The following WWOX variants were observed in gnomAD, a reference collection of about 807,000 sequenced individuals.
WWOX encodes the protein WW domain-containing oxidoreductase.
A neutral mutation model predicts 46.2 loss-of-function variants in WWOX; 69 were observed. The observed-to-expected ratio is 1.49, with a 90% CI of 1.23 to 1.82. The LOEUF (loss-of-function observed/expected upper bound fraction) is 1.82. WWOX is among the 40% of genes most tolerant of loss of function. WWOX has a pLI of 0.00. For missense variants in WWOX, 919 were observed against 542.6 expected, an observed-to-expected ratio of 1.69 and a Z score of -6.89; for synonymous variants, 359 against 202.6, an observed-to-expected ratio of 1.77 and a Z score of -6.56.
intron 8 of WWOX, among the ~76,000 whole-genome samples, chr16:78,893,307 C>T (rs953125436): frequency 1.3e-5 from 2 of 152,156 alleles, no homozygotes; most frequent in African/African-American, 2.4e-5. Context: ...CAGAGTCAGG[C>T]CTCGAAAAAT....
At chr16:78,494,923 C>T (rs945008950) in intron 8 of WWOX, among the ~76,000 whole-genome samples, 4 of 152,096 alleles carry the variant, frequency 2.6e-5, no homozygotes, top group Admixed American at 6.5e-5. Context: ...CTTGTTATTT[C>T]CTCTTTCGGT....
At chr16:79,207,168 GCTCT>G (rs2150848399) in intron 8 of WWOX, among the ~76,000 whole-genome samples, 1 of 152,322 alleles carries the variant, frequency 6.6e-6, no homozygotes, top group South Asian at 2.1e-4. Context: ...CACCGCAGCA[GCTCT>G]CTGATAAATG....
intron 6 of WWOX, among the ~76,000 whole-genome samples, chr16:78,424,648 G>A (rs1282823485): frequency 2.0e-5 from 3 of 152,094 alleles, no homozygotes; most frequent in East Asian, 1.9e-4. Context: ...CCTCAGCAAC[G>A]GAGGACAGTT....
At chr16:78,493,618 T>C (rs1168053467) in intron 8 of WWOX, among the ~76,000 whole-genome samples, 2 of 152,208 alleles carry the variant, frequency 1.3e-5, no homozygotes, top group Middle Eastern at 3.2e-3. Context: ...ATGAAAATAA[T>C]GAGCTAATAT....
chr16:79,174,125 A>G (rs1029698442), intron 8 of WWOX, among the ~76,000 whole-genome samples: 6 of 152,146 alleles, frequency 3.9e-5, no homozygotes, highest in Admixed American at 1.3e-4. Context: ...TGTAGAGTGA[A>G]AGGTCCTGAG....
intron 8 of WWOX, among the ~76,000 whole-genome samples, chr16:79,187,495 G>A (rs2051040712): frequency 1.3e-5 from 2 of 152,174 alleles, no homozygotes; most frequent in Admixed American, 1.3e-4. Flanking sequence ...CCATTTCCCA[G>A]GTTCAAGCGA....
rs147957694 is a variant in WWOX, at chr16:78,734,716, A to G, written c.1056+301964A>G. Among the ~76,000 whole-genome samples, 310 of 152,176 alleles carry G rather than the reference A, an allele frequency of 2.0e-3. 1 individual carries two copies. The highest frequency in any genetic ancestry group is 6.4e-3 in the African/African-American group (267 of 41,530). On this transcript the variant is annotated intron_variant, in intron 8 of 8. Coordinates refer to ENST00000566780, the MANE Select transcript of WWOX (RefSeq NM_016373.4). ...GAACATTTAAATCAGTCACCTGATTACAGCAGATTGTTCTCAAGTGCCTGA... is the reference window on the plus strand; with the variant it reads ...GAACATTTAAATCAGTCACCTGATTGCAGCAGATTGTTCTCAAGTGCCTGA...
chr16:78,464,542 A>T (rs2084027462), intron 8 of WWOX, among the ~76,000 whole-genome samples: 1 of 152,174 alleles, frequency 6.6e-6, no homozygotes, highest in Admixed American at 6.5e-5. Flanking sequence ...AATCTTCATG[A>T]CGATCCTTCA....
intron 8 of WWOX, among the ~76,000 whole-genome samples, chr16:78,975,540 T>G (rs111677065): frequency 0.011 from 1,673 of 152,088 alleles, 22 homozygotes; most frequent in Middle Eastern, 0.017. Flanking sequence ...CCATGAAATC[T>G]GAATACCACA....
chr16:78,134,289 A>G (rs1341370908), intron 4 of WWOX, among the ~76,000 whole-genome samples: 2 of 152,126 alleles, frequency 1.3e-5, no homozygotes, highest in African/African-American at 4.8e-5. Context: ...AAATTTAACC[A>G]TATTTTTAAT....
At chr16:78,539,098 C>T (rs770030525) in intron 8 of WWOX, among the ~76,000 whole-genome samples, 36 of 152,320 alleles carry the variant, frequency 2.4e-4, no homozygotes, top group Non-Finnish European at 1.5e-4. Flanking sequence ...GAACTTGCAA[C>T]CCTGATAACT....
intron 8 of WWOX, among the ~76,000 whole-genome samples, chr16:79,069,475 A>T (rs1432004774): frequency 6.6e-6 from 1 of 152,186 alleles, no homozygotes; most frequent in African/African-American, 2.4e-5. Flanking sequence ...TCATTTACGT[A>T]AACTTAGGAA....
chr16:78,629,455 C>A (rs780614524), intron 8 of WWOX, among the ~76,000 whole-genome samples: 7 of 152,210 alleles, frequency 4.6e-5, no homozygotes, highest in Non-Finnish European at 1.0e-4. Context: ...AAGCTGGAGT[C>A]ATTTCTCTAA....
At chr16:79,163,569 G>A (rs546806284) in intron 8 of WWOX, among the ~76,000 whole-genome samples, 1 of 152,074 alleles carries the variant, frequency 6.6e-6, no homozygotes, top group Non-Finnish European at 1.5e-5. Flanking sequence ...GAGGCCGAAG[G>A]GGGTGGATCA....
chr16:78,748,815 T>G (rs1451652390), intron 8 of WWOX, among the ~76,000 whole-genome samples: 1 of 152,264 alleles, frequency 6.6e-6, no homozygotes, highest in African/African-American at 2.4e-5. Context: ...CAAACACAGA[T>G]GCTGCCCAAA....
chr16:78,654,696 G>C (rs1032030353), intron 8 of WWOX, among the ~76,000 whole-genome samples: 26 of 151,794 alleles, frequency 1.7e-4, no homozygotes, highest in Non-Finnish European at 2.8e-4. Flanking sequence ...TACATATCCA[G>C]TATGAAACCT....
At chr16:78,633,307 A>C (rs569636054) in intron 8 of WWOX, among the ~76,000 whole-genome samples, 4 of 152,274 alleles carry the variant, frequency 2.6e-5, no homozygotes, top group South Asian at 4.1e-4. Flanking sequence ...ATTGCAGAGC[A>C]TAAGTATCTT....
chr16:79,040,862 C>G (rs1010974100), intron 8 of WWOX, among the ~76,000 whole-genome samples: 5 of 152,050 alleles, frequency 3.3e-5, no homozygotes, highest in African/African-American at 1.2e-4. Context: ...CAGAAAGTAA[C>G]TTAGCTAGCT....
chr16:78,358,515 G>C (rs2081343117), intron 5 of WWOX, among the ~76,000 whole-genome samples: 1 of 152,070 alleles, frequency 6.6e-6, no homozygotes, highest in Non-Finnish European at 1.5e-5. Flanking sequence ...AAAATTAGCT[G>C]GGTGTGGTGG....
Sources: allele counts gnomAD v4.1 joint callset (sites outside exome capture counted in the v4.1 genomes callset), GRCh38; gene constraint gnomAD v4.1.1; transcripts MANE v1.5; gene names NCBI Gene and HGNC (gene_info 2026-07-23, HGNC 2026-07-21).